Variants in BANK1 observed in about 807,000 individuals in gnomAD.
BANK1 encodes the protein B-cell scaffold protein with ankyrin repeats.
In BANK1, 95 loss-of-function variants were observed where a neutral mutation model predicts 94.5. The ratio of observed to expected loss-of-function variants is 1.00; its 90% CI spans 0.85 to 1.19. BANK1 has a LOEUF of 1.19. Among genes scored for constraint, BANK1 ranks in the 50% most tolerant of loss-of-function variants. BANK1 has a pLI of 0.00. For synonymous variants in BANK1, 334 were observed against 308.4 expected, an observed-to-expected ratio of 1.08 and a Z score of -0.87; for missense variants, 987 against 932.2, an observed-to-expected ratio of 1.06 and a Z score of -0.77.
Position 101,964,656 on chromosome 4 carries a change from A to C in BANK1, c.1206+46467A>C, listed in dbSNP as rs191131299. Among the ~76,000 whole-genome samples the C allele has an allele frequency of 9.5e-4, 145 of 152,190 alleles. 1 individual carries two copies. The highest frequency in any genetic ancestry group is 3.5e-3 in the African/African-American group (144 of 41,542). On this transcript the variant is annotated intron_variant, in intron 7 of 16. Coordinates refer to ENST00000322953, the MANE Select transcript of BANK1 (RefSeq NM_017935.5). ...TTTCACAAAGGCTCCTTATTAAATG[A>C]CTTCTTTACTGAAATGACTTTTTCT...
At chr4:101,886,450 GAAATGTTTTCAAT>G (rs1728859213) in intron 5 of BANK1, among the ~76,000 whole-genome samples, 1 of 152,162 alleles carries the variant, frequency 6.6e-6, no homozygotes, top group African/African-American at 2.4e-5. Flanking sequence ...AGAAATTTCT[GAAATGTTTTCAAT>G]AAATCATGGC....
At chr4:101,966,813 A>G (rs1395768515) in intron 7 of BANK1, among the ~76,000 whole-genome samples, 1 of 152,060 alleles carries the variant, frequency 6.6e-6, no homozygotes, top group African/African-American at 2.4e-5. Flanking sequence ...AGGAAGCAGC[A>G]TATCTTAGCC....
chr4:101,933,273 G>A (rs945611477), intron 7 of BANK1, among the ~76,000 whole-genome samples: 28 of 148,840 alleles, frequency 1.9e-4, no homozygotes, highest in Non-Finnish European at 3.3e-4. Context: ...GTGACAGGTA[G>A]CGTATTCAAT....
At position 101,936,544 on chromosome 4, in the gene BANK1, A is replaced by T. The variant is rs182474145; in HGVS notation, c.1206+18355A>T. On this transcript the variant is annotated intron_variant, in intron 7 of 16. Transcript: ENST00000322953. ...ACTAGACATATAAGATGATACACATACACGTATACATATATGTATATGTAT... is the reference window on the plus strand; with the variant it reads ...ACTAGACATATAAGATGATACACATTCACGTATACATATATGTATATGTAT... 3.4e-4 allele frequency among the ~76,000 whole-genome samples: 52 copies of T among 150,780 alleles called. 1 individual carries two copies. The highest frequency in any genetic ancestry group is 6.8e-3 in the Middle Eastern group (2 of 294).
At chr4:101,820,201 T>C (rs745438129) in intron 1 of BANK1, among the ~76,000 whole-genome samples, 7 of 152,222 alleles carry the variant, frequency 4.6e-5, no homozygotes, top group Non-Finnish European at 7.4e-5. Flanking sequence ...TCAGATCCAA[T>C]CTTCTGATTC....
At chr4:102,007,273 G>A (rs896346711) in intron 7 of BANK1, among the ~76,000 whole-genome samples, 13 of 148,424 alleles carry the variant, frequency 8.8e-5, no homozygotes, top group African/African-American at 9.9e-5. Context: ...CAGGTAAAAC[G>A]AATTAGAAGA....
intron 5 of BANK1, among the ~76,000 whole-genome samples, chr4:101,877,754 G>A (rs555737970): frequency 4.6e-5 from 7 of 151,976 alleles, no homozygotes; most frequent in South Asian, 4.2e-4. Flanking sequence ...GCATGGTGGC[G>A]GGTGCCTGTA....
At chr4:101,827,773 C>T (rs370426668) in intron 1 of BANK1, among the ~76,000 whole-genome samples, 2 of 152,076 alleles carry the variant, frequency 1.3e-5, no homozygotes, top group African/African-American at 4.8e-5. Flanking sequence ...AACAGTTCTT[C>T]ACTTTCCCTT....
At chr4:101,833,720 G>T (rs551050825) in intron 2 of BANK1, among the ~76,000 whole-genome samples, 2 of 152,180 alleles carry the variant, frequency 1.3e-5, no homozygotes, top group East Asian at 3.9e-4. Flanking sequence ...GGATTTCACT[G>T]TTTCCTATTT....
chr4:101,868,337 AAAG>A (rs1263110516), intron 4 of BANK1, among the ~76,000 whole-genome samples: 2 of 152,038 alleles, frequency 1.3e-5, no homozygotes, highest in Admixed American at 6.6e-5. Context: ...AATTTCAGAG[AAAG>A]AAGATTTTAG....
At chr4:101,966,843 AT>A (rs1276762027) in intron 7 of BANK1, among the ~76,000 whole-genome samples, 1 of 152,018 alleles carries the variant, frequency 6.6e-6, no homozygotes, top group Non-Finnish European at 1.5e-5. Flanking sequence ...TAACACCTGG[AT>A]TTCAGTACAT....
At chr4:101,921,799 G>T (rs1723006528) in intron 7 of BANK1, among the ~76,000 whole-genome samples, 1 of 151,676 alleles carries the variant, frequency 6.6e-6, no homozygotes, top group South Asian at 2.1e-4. Flanking sequence ...TTTTCTTCAT[G>T]AATATAATAA....
rs530338692 is a variant in BANK1, at chr4:101,913,206, A to T, written c.1010-4787A>T. ...GACAAAGTTGGTAATTTTCAAAAGG[A>T]ATTTTTTTTAATGAATGTAGAGGAA... On this transcript the variant is annotated intron_variant, in intron 6 of 16. Transcript: ENST00000322953. Among the ~76,000 whole-genome samples, 18 of 152,252 alleles carry T rather than the reference A, an allele frequency of 1.2e-4. No individual in the cohort carries two copies. The East Asian group carries it at 3.5e-3, about 29-fold the overall frequency.
chr4:101,958,994 C>T (rs2148918111), intron 7 of BANK1, among the ~76,000 whole-genome samples: 1 of 152,298 alleles, frequency 6.6e-6, no homozygotes, highest in South Asian at 2.1e-4. Context: ...CCTGTAAAAT[C>T]AGCTCTCCCA....
At chr4:101,834,081 T>C (rs552531189) in intron 2 of BANK1, among the ~76,000 whole-genome samples, 1 of 152,330 alleles carries the variant, frequency 6.6e-6, no homozygotes, top group Admixed American at 6.5e-5. Context: ...TTTGGCCACT[T>C]GAGCTATAAT....
At chr4:101,837,877 T>G (rs1726889056) in intron 2 of BANK1, among the ~76,000 whole-genome samples, 1 of 151,788 alleles carries the variant, frequency 6.6e-6, no homozygotes, top group Non-Finnish European at 1.5e-5. Context: ...TGGATAGCTT[T>G]TCTCCTCTCC....
rs569161874 is a variant in BANK1 at position 101,882,510 on chromosome 4, C to A, written c.903+11866C>A. Among the ~76,000 whole-genome samples, 8 of 152,242 alleles carry A rather than the reference C, an allele frequency of 5.3e-5. No homozygotes were observed. The East Asian group carries it at 1.5e-3, about 29-fold the overall frequency. Reference sequence around the variant, plus strand: ...AGGAAATATTTGCTATTCAAAAAGGCCTGAGATAGTACCACTCTTTCAAAA... The same window carrying A: ...AGGAAATATTTGCTATTCAAAAAGGACTGAGATAGTACCACTCTTTCAAAA... On this transcript the variant is annotated intron_variant, in intron 5 of 16. Transcript: ENST00000322953.
At chr4:102,020,177 T>TA (rs5860711) in intron 7 of BANK1, among the ~76,000 whole-genome samples, 1,562 of 151,620 alleles carry the variant, frequency 0.01, 24 homozygotes, top group African/African-American at 0.035. Context: ...AATAAATTAG[T>TA]AAAAAAAAAT....
intron 1 of BANK1, among the ~76,000 whole-genome samples, chr4:101,819,636 A>G (rs1365095557): frequency 6.6e-6 from 1 of 152,180 alleles, no homozygotes; most frequent in African/African-American, 2.4e-5. Flanking sequence ...GTCTCTAATG[A>G]TTGAGTGTTA....
Sources: gnomAD v4.1 joint callset for allele counts (sites outside exome capture counted in the v4.1 genomes callset) on GRCh38, gnomAD v4.1.1 for gene constraint, MANE v1.5 for transcripts, NCBI Gene and HGNC (gene_info 2026-07-23, HGNC 2026-07-21) for gene names.